Variants in RNF2 observed in about 807,000 individuals in gnomAD.
RNF2 encodes the protein ring finger protein 2, also known as E3 ubiquitin-protein ligase RING2.
RNF2 carries 6 observed loss-of-function variants against 37.2 expected under a neutral mutation model. The ratio of observed to expected loss-of-function variants is 0.16; its 90% CI spans 0.09 to 0.32. The LOEUF is 0.32. Among genes scored for constraint, RNF2 ranks in the 10% least tolerant of loss-of-function variants. The probability of loss-of-function intolerance (pLI) is 1.00; values close to 1 mark genes in which losing one functional copy is unlikely to be tolerated. For missense variants in RNF2, 251 were observed against 404.0 expected (o/e 0.62, Z 3.25); for synonymous variants, 133 against 132.7 (o/e 1.00, Z -0.02).
intron 1 of RNF2, among the ~76,000 whole-genome samples, chr1:185,064,388 T>A (rs1175687542): frequency 6.6e-6 from 1 of 151,078 alleles, no homozygotes; most frequent in Non-Finnish European, 1.5e-5. Flanking sequence ...CATACTCTGA[T>A]TTTTTTGGTA....
rs1652073146 is a variant in RNF2, at chr1:185,101,390, A to G, written c.*1089A>G. On this transcript the variant is annotated 3_prime_UTR_variant, in exon 7 of 7. Coordinates refer to ENST00000367510, the MANE Select transcript of RNF2 (RefSeq NM_007212.4). ...TTAATAGAGCTTGAGCCCTGCTTTA[A>G]TATGTAGTGAAAGATAATTCTGTAG... 6.6e-6 allele frequency: 1 copy of G among 152,538 alleles called. No homozygotes were observed. Among genetic ancestry groups the G allele is most frequent in the Non-Finnish European group, 1.5e-5 (1 of 67,968 alleles). The allele number at this position is 152,538 out of a possible 1,614,324, so 9.4% of individuals were successfully genotyped here.
chr1:185,047,023 A>G lies in RNF2; in HGVS notation c.-3+1374A>G, dbSNP rs192946930. The stretch of plus-strand genomic sequence containing the variant: ...TTCCCCTGAAATTTCTACTTTTCAC[A>G]ATCAACAAGTATCTTTAAAAATCTT... On this transcript the variant is annotated intron_variant, in intron 1 of 6. Transcript: ENST00000367510. Among the ~76,000 whole-genome samples the G allele has an allele frequency of 1.5e-3, 231 of 152,346 alleles. 1 individual carries two copies. Among genetic ancestry groups the G allele is most frequent in the East Asian group, 8.9e-3 (46 of 5,186 alleles).
chr1:185,098,820 C>T (rs144143930), intron 5 of RNF2, among the ~76,000 whole-genome samples: 197 of 149,686 alleles, frequency 1.3e-3, no homozygotes, highest in African/African-American at 4.5e-3. Context: ...GGCGCGATCT[C>T]GGCTCACTGC....
chr1:185,097,134 A>G (rs752504954), intron 4 of RNF2, among the ~76,000 whole-genome samples: 13 of 152,176 alleles, frequency 8.5e-5, no homozygotes, highest in South Asian at 2.1e-4. Context: ...GCTTTTCTCA[A>G]CTAGAAAATG....
At chr1:185,094,380 AT>A (rs1459978778) in intron 4 of RNF2, among the ~76,000 whole-genome samples, 1 of 152,032 alleles carries the variant, frequency 6.6e-6, no homozygotes, top group African/African-American at 2.4e-5. Context: ...TGACCTTGTG[AT>A]CTGCCTGCCT....
At chr1:185,067,360 C>T (rs1650826228) in intron 1 of RNF2, among the ~76,000 whole-genome samples, 1 of 152,192 alleles carries the variant, frequency 6.6e-6, no homozygotes. Context: ...TGCTTACTCA[C>T]AATTTATTAT....
chr1:185,085,155 T>TTC lies in RNF2; in HGVS notation c.-2-2396_-2-2395insCT, dbSNP rs1407700884. 1.8e-3 allele frequency among the ~76,000 whole-genome samples: 256 copies of TTC among 144,850 alleles called. 1 individual carries two copies. Among genetic ancestry groups the TTC allele is most frequent in the Non-Finnish European group, 3.2e-3 (208 of 65,932 alleles). On this transcript the variant is annotated intron_variant, in intron 1 of 6. Transcript: ENST00000367510. ...CCCTTCTTTCTTTTTCTTTTTTTTT[T>TTC]TTTTTTTTTTTGAGACAAAGTCTCA...
At chr1:185,051,215 TAG>T (rs1346799904) in intron 1 of RNF2, among the ~76,000 whole-genome samples, 3 of 152,222 alleles carry the variant, frequency 2.0e-5, no homozygotes, top group South Asian at 2.1e-4. Flanking sequence ...GTTTGCTATA[TAG>T]AGTCTTATTC....
At chr1:185,092,297 C>A (rs1225068515) in intron 3 of RNF2, among the ~76,000 whole-genome samples, 2 of 152,088 alleles carry the variant, frequency 1.3e-5, no homozygotes, top group African/African-American at 4.8e-5. Flanking sequence ...CTGCCTCAGC[C>A]TCCTGAGTAG....
chr1:185,074,384 G>A (rs917589058), intron 1 of RNF2, among the ~76,000 whole-genome samples: 9 of 152,108 alleles, frequency 5.9e-5, no homozygotes, highest in African/African-American at 2.2e-4. Context: ...GGGACTGAAT[G>A]TTCTGACCCT....
At chr1:185,080,537 G>A (rs1651314877) in intron 1 of RNF2, among the ~76,000 whole-genome samples, 2 of 152,134 alleles carry the variant, frequency 1.3e-5, no homozygotes, top group Admixed American at 1.3e-4. Context: ...CCTATTTTTG[G>A]TCTCAGGATC....
chr1:185,098,429 G>T, intron 5 of RNF2, 85 bp downstream of exon 5: 1 of 1,459,192 alleles, frequency 6.9e-7, no homozygotes. Context: ...AGAAGTAGGA[G>T]CAATATTTGT....
chr1:185,091,817 T>TA, intron 3 of RNF2, 78 bp downstream of exon 3: 10 of 1,339,778 alleles, frequency 7.5e-6, no homozygotes, highest in Non-Finnish European at 9.2e-6. Context: ...AAATACATTT[T>TA]CTTTTTTTTT....
chr1:185,093,966 G>A (rs757430900), intron 4 of RNF2, among the ~76,000 whole-genome samples: 13 of 151,932 alleles, frequency 8.6e-5, no homozygotes, highest in Admixed American at 4.6e-4. Flanking sequence ...TATCCAGCCC[G>A]GACTTACCTG....
intron 1 of RNF2, among the ~76,000 whole-genome samples, chr1:185,083,906 C>G (rs988122310): frequency 1.4e-5 from 2 of 143,546 alleles, no homozygotes; most frequent in African/African-American, 5.2e-5. Flanking sequence ...TGTGCCTGGC[C>G]TACCTTTTTT....
intron 2 of RNF2, among the ~76,000 whole-genome samples, chr1:185,089,612 G>A (rs1651707761): frequency 1.3e-5 from 2 of 152,162 alleles, no homozygotes; most frequent in African/African-American, 4.8e-5. Flanking sequence ...CCAGTAAGGG[G>A]AGGGTAGAAG....
At chr1:185,087,519 C>T (rs1651637678) in intron 1 of RNF2, 33 bp from the exon 2 acceptor site, 5 of 1,588,768 alleles carry the variant, frequency 3.1e-6, no homozygotes, top group Non-Finnish European at 3.5e-6. Context: ...CTTCCAAATA[C>T]TAAAATTGTT....
intron 1 of RNF2, among the ~76,000 whole-genome samples, chr1:185,057,307 T>A (rs1244548506): frequency 2.0e-5 from 3 of 150,334 alleles, no homozygotes; most frequent in East Asian, 2.3e-4. Context: ...TTTCAAAAAA[T>A]AAATAAATAA....
At chr1:185,059,611 T>C (rs1434521804) in intron 1 of RNF2, among the ~76,000 whole-genome samples, 2 of 151,554 alleles carry the variant, frequency 1.3e-5, no homozygotes, top group Non-Finnish European at 3.0e-5. Context: ...GTTAATGGCA[T>C]TATTGTTGTA....
Sources: allele counts gnomAD v4.1 joint callset (sites outside exome capture counted in the v4.1 genomes callset), GRCh38; gene constraint gnomAD v4.1.1; transcripts MANE v1.5; gene names NCBI Gene and HGNC (gene_info 2026-07-23, HGNC 2026-07-21).